The following ANAPC11 variants were observed in gnomAD, a reference collection of about 807,000 sequenced individuals.
The protein encoded by ANAPC11 is anaphase-promoting complex subunit 11.
A neutral mutation model predicts 11.8 loss-of-function variants in ANAPC11; 5 were observed. The ratio of observed to expected loss-of-function variants is 0.42; its 90% CI spans 0.22 to 0.89. The LOEUF (loss-of-function observed/expected upper bound fraction) is 0.89, where lower values mean the gene tolerates loss of function less well. Ranked by LOEUF, ANAPC11 falls within the 40% of genes least tolerant of loss-of-function variation. The pLI is 0.28. For missense variants in ANAPC11, 68 were observed against 112.9 expected, an observed-to-expected ratio of 0.60 and a Z score of 1.80; for synonymous variants, 45 against 41.0, an observed-to-expected ratio of 1.10 and a Z score of -0.38.
intron 3 of ANAPC11, chr17:81,899,316 G>C: frequency 6.2e-7 from 1 of 1,613,520 alleles, no homozygotes; most frequent in African/African-American, 1.3e-5. Context: ...GGGAGGCAGG[G>C]CCCATCCACA....
chr17:81,892,183 T>C (rs2039562017), intron 1 of ANAPC11: 1 of 152,412 alleles, frequency 6.6e-6, no homozygotes, highest in Non-Finnish European at 1.5e-5. Flanking sequence ...CTTTACAAGT[T>C]TTCTTGCGGG....
Position 81,899,901 on chromosome 17 carries a change from C to T in ANAPC11, c.110-19C>T, listed in dbSNP as rs755057760. Reference sequence around the variant, plus strand: ...CCAGCCTGGTCATGCCTGTCCTTTTCCCCACCTCCCCTCCGTAGGCAAGGT... The same window carrying T: ...CCAGCCTGGTCATGCCTGTCCTTTTTCCCACCTCCCCTCCGTAGGCAAGGT... On this transcript the variant is annotated intron_variant, in intron 3 of 3. Coordinates refer to ENST00000344877, the MANE Select transcript of ANAPC11 (RefSeq NM_001002248.3). The T allele has an allele frequency of 1.6e-5, 26 of 1,602,178 alleles. No homozygotes were observed. Among genetic ancestry groups the T allele is most frequent in the Non-Finnish European group, 2.1e-5 (25 of 1,172,618 alleles).
upstream of ANAPC11, chr17:81,891,544 C>T (rs1225128477): frequency 1.4e-6 from 2 of 1,437,934 alleles, no homozygotes; most frequent in Non-Finnish European, 1.8e-6. Context: ...AGAGACATGT[C>T]CATTTTGTCG....
chr17:81,897,273 A>T (rs564971887), intron 3 of ANAPC11, among the ~76,000 whole-genome samples: 1 of 152,310 alleles, frequency 6.6e-6, no homozygotes, highest in African/African-American at 2.4e-5. Flanking sequence ...TGCTGGGATT[A>T]CAGGCATGAG....
At chr17:81,897,302 G>C (rs1296354994) in intron 3 of ANAPC11, among the ~76,000 whole-genome samples, 2 of 151,862 alleles carry the variant, frequency 1.3e-5, no homozygotes, top group Non-Finnish European at 2.9e-5. Context: ...CCCAGCCCTT[G>C]TTGTATTTTT....
chr17:81,892,308 T>TA (rs961490530), intron 1 of ANAPC11, among the ~76,000 whole-genome samples: 49 of 143,662 alleles, frequency 3.4e-4, no homozygotes, highest in Middle Eastern at 3.7e-3. Context: ...CCCCCATCTC[T>TA]AAAAAAAAAA....
chr17:81,890,906 C>T (rs2039509545), upstream of ANAPC11: 2 of 1,581,118 alleles, frequency 1.3e-6, no homozygotes, highest in Non-Finnish European at 1.7e-6. Flanking sequence ...GACCCTTCCT[C>T]TTCCCGGCCT....
At chr17:81,899,392 A>G (rs374400220) in intron 3 of ANAPC11, 1 of 1,613,796 alleles carries the variant, frequency 6.2e-7, no homozygotes, top group Non-Finnish European at 8.5e-7. Context: ...TCTAGGGAAG[A>G]GTCTTCTAGG....
At chr17:81,899,361 C>T (rs761061419) in intron 3 of ANAPC11, 13 of 1,613,728 alleles carry the variant, frequency 8.1e-6, no homozygotes, top group Admixed American at 1.7e-5. Context: ...AACGCCTGGG[C>T]AGCACACCGG....
intron 2 of ANAPC11, among the ~76,000 whole-genome samples, chr17:81,893,967 G>C (rs891022938): frequency 3.3e-5 from 5 of 151,514 alleles, no homozygotes; most frequent in Admixed American, 3.3e-4. Context: ...CCCTTTACTT[G>C]TTATTTGTTT....
intron 3 of ANAPC11, among the ~76,000 whole-genome samples, chr17:81,895,344 C>G (rs1247441059): frequency 6.8e-6 from 1 of 147,074 alleles, no homozygotes. Context: ...AACCACCGTG[C>G]CCCCCCCAAC....
chr17:81,899,793 T>C (rs950893487), intron 3 of ANAPC11, 127 bp from the exon 4 acceptor site: 1 of 1,083,754 alleles, frequency 9.2e-7, no homozygotes. Flanking sequence ...TCGGCTTCTC[T>C]GAAACATGAG....
intron 3 of ANAPC11, chr17:81,898,898 G>T: frequency 2.9e-6 from 1 of 345,278 alleles, no homozygotes; most frequent in Non-Finnish European, 5.3e-6. Flanking sequence ...CCTCCCCCGA[G>T]TACTCAGAGT....
At chr17:81,899,897 T>A in intron 3 of ANAPC11, 23 bp from the exon 4 acceptor site, 1 of 1,600,398 alleles carries the variant, frequency 6.2e-7, no homozygotes, top group Non-Finnish European at 8.5e-7. Context: ...ATGCCTGTCC[T>A]TTTCCCCACC....
chr17:81,893,001 AC>A (rs2039601240), intron 1 of ANAPC11: 1 of 145,912 alleles, frequency 6.9e-6, no homozygotes, highest in Non-Finnish European at 1.5e-5. Flanking sequence ...GGTGCACGCC[AC>A]CACAGCTGGC....
chr17:81,899,220 C>T (rs771963363), intron 3 of ANAPC11: 2 of 1,606,020 alleles, frequency 1.2e-6, no homozygotes, highest in East Asian at 2.2e-5. Flanking sequence ...ATGGCTGATA[C>T]AAGCATCCCT....
At chr17:81,890,917 G>C, upstream of ANAPC11, 1 of 1,552,184 alleles carries the variant, frequency 6.4e-7, no homozygotes, top group Non-Finnish European at 8.7e-7. Context: ...TTCCCGGCCT[G>C]AGAGGATCCG....
chr17:81,891,241 C>T (rs1410465798), upstream of ANAPC11: 21 of 1,060,830 alleles, frequency 2.0e-5, no homozygotes, highest in South Asian at 7.6e-4. Context: ...CCCGCCGGCC[C>T]GGGTCTCCGC....
chr17:81,894,362 G>A, intron 2 of ANAPC11, 105 bp from the exon 3 acceptor site: 1 of 521,910 alleles, frequency 1.9e-6, no homozygotes, highest in Non-Finnish European at 3.4e-6. Context: ...TTGGCCCCCT[G>A]AGTAGCTGGG....
Sources: gnomAD v4.1 joint callset for allele counts (sites outside exome capture counted in the v4.1 genomes callset) on GRCh38, gnomAD v4.1.1 for gene constraint, MANE v1.5 for transcripts, NCBI Gene and HGNC (gene_info 2026-07-23, HGNC 2026-07-21) for gene names.